CDH20: variants seen among roughly 807,000 people sequenced by gnomAD.
CDH20 encodes the protein cadherin-20.
Under a neutral mutation model 74.2 loss-of-function variants are expected in CDH20, and 29 were observed. The ratio of observed to expected loss-of-function variants is 0.39; its 90% CI spans 0.29 to 0.53. CDH20 has a LOEUF of 0.53. Among genes scored for constraint, CDH20 ranks in the 20% least tolerant of loss-of-function variants. The pLI, the probability that CDH20 is intolerant of heterozygous loss-of-function variation, is 0.69. For missense variants in CDH20, 988 were observed against 1,048.3 expected, an observed-to-expected ratio of 0.94 and a Z score of 0.79; for synonymous variants, 469 against 405.4, an observed-to-expected ratio of 1.16 and a Z score of -1.88.
intron 7 of CDH20, among the ~76,000 whole-genome samples, chr18:61,531,795 G>A (rs545361545): frequency 2.6e-5 from 4 of 152,234 alleles, no homozygotes; most frequent in East Asian, 1.9e-4. Context: ...AGATCTGATG[G>A]TTTTAAAAGG....
In CDH20 at chr18:61,555,439, G is replaced by A; in HGVS notation, c.*744G>A. On this transcript the variant is annotated 3_prime_UTR_variant, in exon 12 of 12. Coordinates refer to ENST00000262717, the MANE Select transcript of CDH20 (RefSeq NM_031891.4). ...AACTGTGCCCCTGCAAAATTGTTCA[G>A]AATGAAACCAGAAAAATCTGCCTCT... 1 of 985,390 alleles carries A rather than the reference G, an allele frequency of 1.0e-6. No homozygotes were observed. Among genetic ancestry groups the A allele is most frequent in the Non-Finnish European group, 1.2e-6 (1 of 829,916 alleles). The allele number at this position is 985,390 out of a possible 1,614,324, so 61.0% of individuals were successfully genotyped here.
At chr18:61,422,205 A>G (rs746030849) in intron 1 of CDH20, among the ~76,000 whole-genome samples, 1 of 152,150 alleles carries the variant, frequency 6.6e-6, no homozygotes, top group Non-Finnish European at 1.5e-5. Context: ...AATTAAACAT[A>G]TATTTCATTT....
intron 1 of CDH20, among the ~76,000 whole-genome samples, chr18:61,477,452 G>T (rs560252564): frequency 6.6e-6 from 1 of 152,238 alleles, no homozygotes; most frequent in African/African-American, 2.4e-5. Flanking sequence ...CTGCAAAGTG[G>T]CTAAATTCTG....
chr18:61,500,535 T>C (rs931027299), intron 4 of CDH20, 33 bp downstream of exon 4: 4 of 1,584,320 alleles, frequency 2.5e-6, no homozygotes, highest in Non-Finnish European at 3.4e-6. Flanking sequence ...CAGAGGTGTT[T>C]ATTCCCTGAT....
At chr18:61,349,095 T>C (rs537978567) in intron 1 of CDH20, among the ~76,000 whole-genome samples, 6 of 152,352 alleles carry the variant, frequency 3.9e-5, no homozygotes, top group African/African-American at 1.4e-4. Flanking sequence ...TTAGAGTGGC[T>C]GTTAGAAACA....
intron 1 of CDH20, among the ~76,000 whole-genome samples, chr18:61,389,134 A>G (rs1317413572): frequency 6.6e-6 from 1 of 152,140 alleles, no homozygotes. Context: ...TCACATCTCT[A>G]CTTTCGTCTG....
In CDH20 at chr18:61,440,126, T is replaced by C. The variant is rs577369614; in HGVS notation, c.-152-50276T>C. Among the ~76,000 whole-genome samples the C allele has an allele frequency of 5.9e-5, 9 of 152,324 alleles. No individual in the cohort carries two copies. The South Asian group carries it at 1.9e-3, about 32-fold the overall frequency. ...CCTTAATACAGTTACACCTCACTCC[T>C]TTGCCTATGACTTTGCAGAGCCTCG... is the stretch of plus-strand genomic sequence containing the variant. On this transcript the variant is annotated intron_variant, in intron 1 of 11. Transcript: ENST00000262717.
intron 1 of CDH20, among the ~76,000 whole-genome samples, chr18:61,481,540 T>C (rs1910589156): frequency 6.6e-6 from 1 of 152,186 alleles, no homozygotes; most frequent in Non-Finnish European, 1.5e-5. Context: ...TTTACTTTCC[T>C]TCAACAAGAT....
intron 1 of CDH20, among the ~76,000 whole-genome samples, chr18:61,339,701 T>TTTTTTTTTTTTTTTTTTTTC (rs58434671): frequency 8.1e-6 from 1 of 122,944 alleles, no homozygotes; most frequent in Non-Finnish European, 1.6e-5. Context: ...TTTTTTTTTT[T>TTTTTTTTTTTTTTTTTTTTC]TTTTGAGATG....
chr18:61,548,010 A>G (rs2144408883), intron 10 of CDH20, among the ~76,000 whole-genome samples: 1 of 152,254 alleles, frequency 6.6e-6, no homozygotes, highest in African/African-American at 2.4e-5. Flanking sequence ...ATTAAACCAA[A>G]AAAATAAAAA....
intron 10 of CDH20, among the ~76,000 whole-genome samples, chr18:61,547,089 G>T (rs571764251): frequency 4.6e-5 from 7 of 152,290 alleles, no homozygotes; most frequent in African/African-American, 1.4e-4. Context: ...AGCTAGTTGG[G>T]AGCCTGGGAC....
chr18:61,544,374 T>C (rs1433039988), intron 9 of CDH20, among the ~76,000 whole-genome samples: 1 of 152,224 alleles, frequency 6.6e-6, no homozygotes, highest in Admixed American at 6.5e-5. Context: ...ATAGACCCTC[T>C]GCCTTATCAC....
intron 6 of CDH20, among the ~76,000 whole-genome samples, chr18:61,512,300 A>T (rs1911812654): frequency 6.6e-6 from 1 of 152,202 alleles, no homozygotes; most frequent in Non-Finnish European, 1.5e-5. Flanking sequence ...AATAAGCATG[A>T]TGTACCATTT....
At position 61,550,056 on chromosome 18, in the gene CDH20, T is replaced by C. The variant is rs1053032798; in HGVS notation, c.1727T>C (p.Ile576Thr). The C allele has an allele frequency of 1.9e-6, 3 of 1,614,110 alleles. No individual in the cohort carries two copies. Among genetic ancestry groups the C allele is most frequent in the Non-Finnish European group, 2.5e-6 (3 of 1,180,040 alleles). The change falls in exon 11 of 12, where the codon ATA becomes ACA. Residue 576 changes from isoleucine to threonine, a missense_variant. By Grantham distance (89) the Ile-to-Thr change is moderately conservative. This residue lies in a region of CDH20 where 613 missense variants were observed against 755.2 expected (regional missense o/e 0.81). Coordinates refer to ENST00000262717, the MANE Select transcript of CDH20 (RefSeq NM_031891.4). ...EQSVFHLPIL[I>T]ADSGQPVLSS... ...AGTGTCTTTCACCTGCCTATCCTGA[T>C]AGCAGATAGCGGGCAGCCCGTGCTG...
At chr18:61,496,887 A>G (rs546041755) in intron 2 of CDH20, among the ~76,000 whole-genome samples, 1 of 152,276 alleles carries the variant, frequency 6.6e-6, no homozygotes, top group East Asian at 1.9e-4. Flanking sequence ...CTATATGCAT[A>G]CGTATACATG....
intron 11 of CDH20, among the ~76,000 whole-genome samples, chr18:61,550,775 AT>A (rs1282029161): frequency 2.6e-5 from 4 of 152,170 alleles, no homozygotes; most frequent in Non-Finnish European, 5.9e-5. Context: ...TGGAGGTGGT[AT>A]TACAGGAAGG....
rs111471642 is a variant in CDH20 at position 61,485,041 on chromosome 18, G to A, written c.-152-5361G>A. The stretch of plus-strand genomic sequence containing the variant: ...GATAACAGCTGAACTTTTAGCCTCA[G>A]GAGTGCCACCATTTTTGAGGAACTT... On this transcript the variant is annotated intron_variant, in intron 1 of 11. Transcript: ENST00000262717. Among the ~76,000 whole-genome samples, 164 of 152,200 alleles carry A rather than the reference G, an allele frequency of 1.1e-3. 1 individual carries two copies. Among genetic ancestry groups the A allele is most frequent in the African/African-American group, 3.7e-3 (153 of 41,510 alleles).
chr18:61,443,284 G>A (rs1469027541), intron 1 of CDH20, among the ~76,000 whole-genome samples: 2 of 152,060 alleles, frequency 1.3e-5, no homozygotes, highest in South Asian at 4.1e-4. Context: ...GTTCTTTAAA[G>A]GTACAGGCCC....
At chr18:61,521,682 C>T (rs1912212381) in intron 6 of CDH20, among the ~76,000 whole-genome samples, 1 of 151,344 alleles carries the variant, frequency 6.6e-6, no homozygotes, top group Non-Finnish European at 1.5e-5. Flanking sequence ...CAATAACATA[C>T]TGGCAAACTG....
Sources: allele counts gnomAD v4.1 joint callset (sites outside exome capture counted in the v4.1 genomes callset), GRCh38; gene constraint gnomAD v4.1.1; regional missense constraint gnomAD v4.1.1; transcripts MANE v1.5; gene names NCBI Gene and HGNC (gene_info 2026-07-23, HGNC 2026-07-21).